The following HESX1 variants were observed in gnomAD, a reference collection of about 807,000 sequenced individuals.
HESX1 encodes the protein HESX homeobox 1, also known as homeobox expressed in ES cells 1.
A neutral mutation model predicts 22.5 loss-of-function variants in HESX1; 11 were observed. The observed-to-expected ratio is 0.49, with a 90% CI of 0.31 to 0.81. HESX1 has a LOEUF of 0.81. Among genes scored for constraint, HESX1 ranks in the 30% least tolerant of loss-of-function variants. HESX1 has a pLI of 0.05. For synonymous variants in HESX1, 74 were observed against 76.5 expected, an observed-to-expected ratio of 0.97 and a Z score of 0.17; for missense variants, 201 against 212.6, an observed-to-expected ratio of 0.95 and a Z score of 0.34.
chr3:57,225,302 C>T (rs2060635653), intron 1 of HESX1, among the ~76,000 whole-genome samples: 1 of 152,180 alleles, frequency 6.6e-6, no homozygotes, highest in African/African-American at 2.4e-5. Flanking sequence ...ACCTACCTCT[C>T]CATCCAACTG....
intron 1 of HESX1, among the ~76,000 whole-genome samples, chr3:57,209,174 T>C (rs1173425079): frequency 6.6e-6 from 1 of 152,188 alleles, no homozygotes; most frequent in Non-Finnish European, 1.5e-5. Context: ...ACTTGAAATG[T>C]TGCTAGTGCA....
At chr3:57,210,810 C>T (rs2060548850) in intron 1 of HESX1, among the ~76,000 whole-genome samples, 1 of 152,118 alleles carries the variant, frequency 6.6e-6, no homozygotes, top group Admixed American at 6.6e-5. Flanking sequence ...GTAAAGTAAT[C>T]CCAGTTTTCT....
chr3:57,201,875 A>C (rs13095761), upstream of HESX1, among the ~76,000 whole-genome samples: 8,640 of 131,778 alleles, frequency 0.066, 327 homozygotes, highest in East Asian at 0.22. Flanking sequence ...CTATCTATCT[A>C]TATCTATCTA....
At chr3:57,216,820 C>T (rs2060585311) in intron 1 of HESX1, among the ~76,000 whole-genome samples, 1 of 152,018 alleles carries the variant, frequency 6.6e-6, no homozygotes, top group Non-Finnish European at 1.5e-5. Context: ...CTCTTTTCCC[C>T]TTTATAATAT....
intron 1 of HESX1, among the ~76,000 whole-genome samples, chr3:57,220,641 G>A (rs2060610528): frequency 2.0e-5 from 3 of 152,004 alleles, no homozygotes; most frequent in Admixed American, 2.0e-4. Context: ...ATATTGGCCA[G>A]GCTAGTCTTG....
intron 1 of HESX1, among the ~76,000 whole-genome samples, chr3:57,222,890 G>C (rs9859663): frequency 6.6e-6 from 1 of 151,812 alleles, no homozygotes; most frequent in Admixed American, 6.6e-5. Context: ...ATAGCATCAG[G>C]ATTCTCTAAG....
upstream of HESX1, among the ~76,000 whole-genome samples, chr3:57,226,924 C>T (rs1375053612): frequency 6.6e-6 from 1 of 152,210 alleles, no homozygotes. Flanking sequence ...TTGTAGCCCT[C>T]ATCCGGTCAA....
rs1218450484 is a variant in HESX1 at position 57,198,887 on chromosome 3, C to A, written c.223G>T (p.Val75Leu). ...CTTTCTTCTGGCATTGGGTGATCCA[C>A]CACGCTAGGGAATGAAATCCCACTG... ...PPSGISFPSVVDHPMPEERAS... is the reference protein window; with the variant it reads ...PPSGISFPSVLDHPMPEERAS... The change falls in exon 2 of 4, where the codon GTG (valine) becomes TTG (leucine). Residue 75 changes from valine (V) to leucine (L), a missense_variant. By Grantham distance (32) the Val-to-Leu change is conservative. Transcript: ENST00000295934. 3 of 1,614,090 alleles carry A rather than the reference C, an allele frequency of 1.9e-6. No individual in the cohort carries two copies. Among genetic ancestry groups the A allele is most frequent in the Non-Finnish European group, 2.5e-6 (3 of 1,180,000 alleles).
chr3:57,222,711 A>T (rs1579368971), intron 1 of HESX1, among the ~76,000 whole-genome samples: 1 of 152,202 alleles, frequency 6.6e-6, no homozygotes, highest in East Asian at 1.9e-4. Flanking sequence ...AAAACTCCTA[A>T]AAACCTCAAA....
At chr3:57,221,948 TTGTC>T (rs2060618222) in intron 1 of HESX1, among the ~76,000 whole-genome samples, 1 of 152,232 alleles carries the variant, frequency 6.6e-6, no homozygotes, top group African/African-American at 2.4e-5. Flanking sequence ...TTATTTTTTA[TTGTC>T]TTTCTCCCCA....
At chr3:57,227,092 A>G (rs1413735363), upstream of HESX1, among the ~76,000 whole-genome samples, 3 of 152,250 alleles carry the variant, frequency 2.0e-5, no homozygotes, top group Non-Finnish European at 4.4e-5. Context: ...ATTTAAAAGA[A>G]ACATGGGAGT....
chr3:57,218,539 G>T (rs1317994923), intron 1 of HESX1, among the ~76,000 whole-genome samples: 1 of 150,524 alleles, frequency 6.6e-6, no homozygotes, highest in Non-Finnish European at 1.5e-5. Context: ...TGCCTCCCGG[G>T]TTCAAGTGAT....
chr3:57,198,568 TAA>T, intron 2 of HESX1, 76 bp from the exon 3 acceptor site: 2 of 1,079,638 alleles, frequency 1.9e-6, no homozygotes, highest in Non-Finnish European at 2.8e-6. Flanking sequence ...TGACTACATT[TAA>T]ATCTTGGCAA....
At chr3:57,206,152 T>C (rs532022424) in intron 1 of HESX1, among the ~76,000 whole-genome samples, 1 of 152,124 alleles carries the variant, frequency 6.6e-6, no homozygotes, top group East Asian at 1.9e-4. Context: ...GATCACGCCA[T>C]TGCACTCCAG....
At chr3:57,219,475 C>A (rs945457726) in intron 1 of HESX1, among the ~76,000 whole-genome samples, 2 of 152,004 alleles carry the variant, frequency 1.3e-5, no homozygotes, top group Non-Finnish European at 2.9e-5. Flanking sequence ...TCACGCCATT[C>A]TCCTGCCTCA....
intron 1 of HESX1, among the ~76,000 whole-genome samples, chr3:57,211,217 CAAAA>C (rs1331625270): frequency 1.1e-5 from 1 of 88,210 alleles, no homozygotes; most frequent in Admixed American, 1.2e-4. Context: ...AACTCCATCT[CAAAA>C]AAAAAAAAAA....
intron 1 of HESX1, among the ~76,000 whole-genome samples, chr3:57,208,759 G>C (rs193254925): frequency 0.024 from 3,599 of 149,334 alleles, 69 homozygotes; most frequent in South Asian, 0.043. Flanking sequence ...TCAGGAGTTC[G>C]AGACCAGCCT....
chr3:57,220,193 T>A (rs561095216), intron 1 of HESX1, among the ~76,000 whole-genome samples: 1 of 152,328 alleles, frequency 6.6e-6, no homozygotes, highest in South Asian at 2.1e-4. Flanking sequence ...GTTCCATTGG[T>A]CTATGTACCT....
intron 1 of HESX1, among the ~76,000 whole-genome samples, chr3:57,211,199 C>CA (rs36054490): frequency 0.48 from 67,224 of 140,516 alleles, 16,550 homozygotes; most frequent in East Asian, 0.92. Flanking sequence ...GCCTGGGCAA[C>CA]AGAGTGAAAC....
Sources: gnomAD v4.1 joint callset for allele counts (sites outside exome capture counted in the v4.1 genomes callset) on GRCh38, gnomAD v4.1.1 for gene constraint, MANE v1.5 for transcripts, NCBI Gene and HGNC (gene_info 2026-07-23, HGNC 2026-07-21) for gene names.